KDM4C: variants seen among roughly 807,000 people sequenced by gnomAD.
KDM4C encodes the protein lysine-specific demethylase 4C.
KDM4C carries 81 observed loss-of-function variants against 129.3 expected under a neutral mutation model. The observed-to-expected ratio is 0.63, with a 90% CI of 0.52 to 0.75. KDM4C has a LOEUF of 0.75. KDM4C is among the 30% of genes least tolerant of loss of function. The pLI is 0.00. For missense variants in KDM4C, 1,457 were observed against 1,304.0 expected (o/e 1.12, Z -1.81); for synonymous variants, 573 against 456.1 (o/e 1.26, Z -3.26).
At chr9:6,892,815 C>A (rs1219477393) in intron 7 of KDM4C, among the ~76,000 whole-genome samples, 1 of 152,086 alleles carries the variant, frequency 6.6e-6, no homozygotes, top group Non-Finnish European at 1.5e-5. Context: ...ACTTGAATAA[C>A]CTGAAGATAC....
intron 19 of KDM4C, among the ~76,000 whole-genome samples, chr9:7,152,622 G>C (rs1842825903): frequency 6.6e-6 from 1 of 152,190 alleles, no homozygotes; most frequent in East Asian, 1.9e-4. Context: ...ATGGAGAGTG[G>C]TGATGAAGTC....
chr9:7,161,661 G>A (rs1843810040), intron 19 of KDM4C, among the ~76,000 whole-genome samples: 1 of 152,134 alleles, frequency 6.6e-6, no homozygotes, highest in Non-Finnish European at 1.5e-5. Flanking sequence ...CCCTCTGTCT[G>A]TCCCTGGCTT....
At chr9:7,095,355 A>C (rs1052036481) in intron 17 of KDM4C, among the ~76,000 whole-genome samples, 1 of 152,236 alleles carries the variant, frequency 6.6e-6, no homozygotes, top group Non-Finnish European at 1.5e-5. Flanking sequence ...AAATCTTGCT[A>C]AGGATAATTA....
At chr9:7,062,635 T>TA in intron 17 of KDM4C, among the ~76,000 whole-genome samples, 1 of 152,126 alleles carries the variant, frequency 6.6e-6, no homozygotes. Flanking sequence ...CCTCCTACCT[T>TA]AGCCTCCCAA....
intron 8 of KDM4C, among the ~76,000 whole-genome samples, chr9:6,909,733 A>G (rs1161251229): frequency 6.6e-6 from 1 of 152,210 alleles, no homozygotes; most frequent in East Asian, 1.9e-4. Context: ...TTTAGAGTAT[A>G]TTTGACAGCA....
intron 19 of KDM4C, among the ~76,000 whole-genome samples, chr9:7,152,649 A>T (rs112844001): frequency 3.9e-5 from 6 of 152,218 alleles, no homozygotes; most frequent in Non-Finnish European, 8.8e-5. Flanking sequence ...CTTTGAACTT[A>T]ATGTCACTGA....
At chr9:7,045,566 G>T (rs1425272250) in intron 15 of KDM4C, among the ~76,000 whole-genome samples, 1 of 152,024 alleles carries the variant, frequency 6.6e-6, no homozygotes, top group East Asian at 1.9e-4. Flanking sequence ...ATCAAAACCA[G>T]TTATTCCAAA....
chr9:7,143,724 G>A (rs571774572), intron 19 of KDM4C, among the ~76,000 whole-genome samples: 3 of 152,182 alleles, frequency 2.0e-5, no homozygotes, highest in South Asian at 2.1e-4. Flanking sequence ...ATCATTTGGG[G>A]GAGTTTCTGA....
intron 8 of KDM4C, among the ~76,000 whole-genome samples, chr9:6,912,494 A>G (rs1819507257): frequency 6.6e-6 from 1 of 152,216 alleles, no homozygotes; most frequent in Admixed American, 6.5e-5. Context: ...ATGAATACAA[A>G]TGCCTCTGCC....
intron 5 of KDM4C, among the ~76,000 whole-genome samples, chr9:6,855,885 T>G (rs1381005567): frequency 6.6e-6 from 1 of 152,160 alleles, no homozygotes; most frequent in Non-Finnish European, 1.5e-5. Flanking sequence ...CATTCATTCG[T>G]TCATTCATTT....
At chr9:7,128,027 CT>C in intron 18 of KDM4C, 38 bp from the exon 19 acceptor site, 2 of 1,353,012 alleles carry the variant, frequency 1.5e-6, no homozygotes, top group Non-Finnish European at 1.9e-6. Context: ...TTCCTGTTCT[CT>C]TACTTCTTTT....
intron 8 of KDM4C, chr9:6,941,456 A>G (rs924948963): frequency 2.6e-5 from 4 of 152,212 alleles, no homozygotes; most frequent in South Asian, 2.1e-4. Flanking sequence ...TCAAGTGTGC[A>G]TTATCCTAAA....
At chr9:6,801,089 T>G (rs1828860984) in intron 2 of KDM4C, among the ~76,000 whole-genome samples, 1 of 152,128 alleles carries the variant, frequency 6.6e-6, no homozygotes, top group Admixed American at 6.6e-5. Context: ...ACTGGCCAAG[T>G]TACTCATCTC....
intron 12 of KDM4C, among the ~76,000 whole-genome samples, chr9:6,993,654 C>T (rs1228079980): frequency 6.6e-6 from 1 of 152,120 alleles, no homozygotes; most frequent in Non-Finnish European, 1.5e-5. Context: ...CTCTGGTGCA[C>T]CCGTGCACTT....
intron 19 of KDM4C, among the ~76,000 whole-genome samples, chr9:7,164,457 C>T (rs758974897): frequency 4.0e-5 from 6 of 151,836 alleles, no homozygotes; most frequent in African/African-American, 1.5e-4. Flanking sequence ...TGAAAAGATT[C>T]TGGTTATGGG....
chr9:6,805,505 GAA>G, intron 2 of KDM4C, 92 bp from the exon 3 acceptor site: 1 of 685,402 alleles, frequency 1.5e-6, no homozygotes, highest in African/African-American at 1.9e-5. Flanking sequence ...GAGATACTGA[GAA>G]ATTCTTCAGT....
At chr9:6,881,303 G>A (rs1254855240) in intron 6 of KDM4C, among the ~76,000 whole-genome samples, 6 of 152,262 alleles carry the variant, frequency 3.9e-5, no homozygotes, top group East Asian at 1.9e-4. Context: ...TAACTATAAA[G>A]TGTCTTTTTA....
chr9:6,827,469 A>T (rs1481763813), intron 4 of KDM4C, among the ~76,000 whole-genome samples: 1 of 152,332 alleles, frequency 6.6e-6, no homozygotes, highest in Non-Finnish European at 1.5e-5. Flanking sequence ...AAGGTGTTAG[A>T]CATAGTGGCA....
At chr9:7,028,601 T>A (rs1327326930) in intron 15 of KDM4C, among the ~76,000 whole-genome samples, 1 of 151,936 alleles carries the variant, frequency 6.6e-6, no homozygotes, top group Non-Finnish European at 1.5e-5. Flanking sequence ...GGTGTCTCAG[T>A]AAGTTGAATG....
Sources: allele counts gnomAD v4.1 joint callset (sites outside exome capture counted in the v4.1 genomes callset), GRCh38; gene constraint gnomAD v4.1.1; transcripts MANE v1.5; gene names NCBI Gene and HGNC (gene_info 2026-07-23, HGNC 2026-07-21).